CTNNA2: variants seen among roughly 807,000 people sequenced by gnomAD.
The protein encoded by CTNNA2 is catenin alpha-2.
Under a neutral mutation model 101.0 loss-of-function variants are expected in CTNNA2, and 42 were observed. That is an observed-to-expected ratio of 0.42 (90% CI 0.32 to 0.54). The LOEUF is 0.54. CTNNA2 is among the 20% of genes least tolerant of loss of function. CTNNA2 has a pLI of 0.14. For missense variants in CTNNA2, 871 were observed against 1,223.1 expected, an observed-to-expected ratio of 0.71 and a Z score of 4.29; for synonymous variants, 450 against 456.4, an observed-to-expected ratio of 0.99 and a Z score of 0.18.
chr2:79,306,971 CT>C (rs1196237381), intron 2 of CTNNA2, among the ~76,000 whole-genome samples: 1 of 152,120 alleles, frequency 6.6e-6, no homozygotes, highest in African/African-American at 2.4e-5. Flanking sequence ...TACTATGTTT[CT>C]TTTGCTGATT....
rs569432872 is a variant in CTNNA2 at position 80,231,496 on chromosome 2, G to A, written c.1057-161715G>A. Among the ~76,000 whole-genome samples the A allele has an allele frequency of 4.6e-5, 7 of 152,192 alleles. No homozygotes were observed. The East Asian group carries it at 1.4e-3, about 29-fold the overall frequency. On this transcript the variant is annotated intron_variant, in intron 7 of 18. Coordinates refer to ENST00000402739, the MANE Select transcript of CTNNA2 (RefSeq NM_001282597.3). ...AAATTATAAGTTTCTCAATCAGCTG[G>A]GTGGACCCCTCTTCAGGTCCCAGAG...
At chr2:80,539,755 A>G (rs1041370536) in intron 9 of CTNNA2, among the ~76,000 whole-genome samples, 8 of 152,194 alleles carry the variant, frequency 5.3e-5, no homozygotes, top group Non-Finnish European at 1.2e-4. Flanking sequence ...ACAGATTGGT[A>G]GGTATTTAGT....
intron 6 of CTNNA2, among the ~76,000 whole-genome samples, chr2:79,905,309 C>G (rs1442394469): frequency 6.6e-6 from 1 of 152,100 alleles, no homozygotes; most frequent in Non-Finnish European, 1.5e-5. Context: ...TGCAGGCCCT[C>G]TATCTGTAAA....
At chr2:79,514,253 G>T (rs970561764) in intron 1 of CTNNA2, among the ~76,000 whole-genome samples, 5 of 152,176 alleles carry the variant, frequency 3.3e-5, no homozygotes, top group African/African-American at 1.2e-4. Context: ...TAGGATAATG[G>T]TTAGACAGTT....
intron 1 of CTNNA2, among the ~76,000 whole-genome samples, chr2:79,591,977 G>A (rs928417233): frequency 6.7e-6 from 1 of 148,352 alleles, no homozygotes; most frequent in Non-Finnish European, 1.5e-5. Context: ...TTCTCCCAAA[G>A]GATGCTTATT....
At chr2:80,585,760 C>G (rs1325325422) in intron 14 of CTNNA2, among the ~76,000 whole-genome samples, 2 of 151,130 alleles carry the variant, frequency 1.3e-5, no homozygotes, top group Admixed American at 1.3e-4. Context: ...GCAAATTTCA[C>G]AGTTTGTGAT....
chr2:79,316,825 A>G (rs1159296698), intron 3 of CTNNA2, among the ~76,000 whole-genome samples: 3 of 151,864 alleles, frequency 2.0e-5, no homozygotes, highest in African/African-American at 7.3e-5. Flanking sequence ...AGATTTTTCT[A>G]TATACGAGAT....
intron 2 of CTNNA2, among the ~76,000 whole-genome samples, chr2:79,238,403 A>G (rs1674583788): frequency 6.6e-6 from 1 of 152,182 alleles, no homozygotes. Flanking sequence ...TCACCATAAC[A>G]GATATAAAAA....
intron 12 of CTNNA2, among the ~76,000 whole-genome samples, chr2:80,561,832 T>TTA (rs2149675358): frequency 6.8e-6 from 1 of 146,258 alleles, no homozygotes; most frequent in African/African-American, 2.6e-5. Context: ...GGCTAATTTT[T>TTA]TTTTTTTTTT....
At chr2:80,470,721 C>T (rs944658232) in intron 9 of CTNNA2, among the ~76,000 whole-genome samples, 2 of 152,056 alleles carry the variant, frequency 1.3e-5, no homozygotes, top group Non-Finnish European at 2.9e-5. Context: ...CTTCTTGAAA[C>T]CTGAGGAATA....
chr2:79,406,731 A>G (rs1415527272), intron 4 of CTNNA2, among the ~76,000 whole-genome samples: 3 of 152,000 alleles, frequency 2.0e-5, no homozygotes, highest in Non-Finnish European at 4.4e-5. Context: ...TGTTGCAAGA[A>G]TGATTTGACC....
chr2:79,919,435 G>T (rs7572401), intron 7 of CTNNA2, among the ~76,000 whole-genome samples: 2 of 152,180 alleles, frequency 1.3e-5, no homozygotes, highest in Admixed American at 1.3e-4. Flanking sequence ...CCCTTGAAAG[G>T]TGGTTCGGTC....
At chr2:79,940,354 T>C (rs7572227) in intron 7 of CTNNA2, among the ~76,000 whole-genome samples, 1 of 152,106 alleles carries the variant, frequency 6.6e-6, no homozygotes, top group South Asian at 2.1e-4. Flanking sequence ...TTTGTTGTGT[T>C]TTTAAAGATA....
intron 7 of CTNNA2, among the ~76,000 whole-genome samples, chr2:80,138,715 C>G (rs1702832273): frequency 6.6e-6 from 1 of 152,140 alleles, no homozygotes; most frequent in African/African-American, 2.4e-5. Context: ...TCTCCTCATT[C>G]TTGATTTTTC....
chr2:80,098,633 C>T (rs1234105108), intron 7 of CTNNA2, among the ~76,000 whole-genome samples: 3 of 152,216 alleles, frequency 2.0e-5, no homozygotes, highest in African/African-American at 7.2e-5. Context: ...GCAGGCCTCC[C>T]CGAGCTGTGG....
intron 18 of CTNNA2, among the ~76,000 whole-genome samples, chr2:80,641,276 A>ATTTGCATTATT (rs1311755418): frequency 6.6e-6 from 1 of 152,144 alleles, no homozygotes; most frequent in Non-Finnish European, 1.5e-5. Context: ...GTCCCATGAC[A>ATTTGCATTATT]TTTGCATTAT....
chr2:80,350,977 A>G (rs887894943), intron 7 of CTNNA2, among the ~76,000 whole-genome samples: 2 of 152,206 alleles, frequency 1.3e-5, no homozygotes, highest in African/African-American at 4.8e-5. Flanking sequence ...TTAAGCTAAC[A>G]CTTCAGATGA....
At chr2:79,710,061 C>T (rs1685644921) in intron 2 of CTNNA2, among the ~76,000 whole-genome samples, 1 of 152,066 alleles carries the variant, frequency 6.6e-6, no homozygotes, top group African/African-American at 2.4e-5. Context: ...CGATACTTGT[C>T]CCTCTTGAAT....
chr2:80,579,982 C>A (rs1695385531), intron 13 of CTNNA2, among the ~76,000 whole-genome samples: 1 of 152,234 alleles, frequency 6.6e-6, no homozygotes, highest in South Asian at 2.1e-4. Flanking sequence ...AAGAGGCAGT[C>A]TGTGGAAGAC....
Sources: gnomAD v4.1 joint callset for allele counts (sites outside exome capture counted in the v4.1 genomes callset) on GRCh38, gnomAD v4.1.1 for gene constraint, MANE v1.5 for transcripts, NCBI Gene and HGNC (gene_info 2026-07-23, HGNC 2026-07-21) for gene names.